The following FBXO2 variants were observed in gnomAD, a reference collection of about 807,000 sequenced individuals.
FBXO2 encodes the protein F-box protein 2.
In FBXO2, 32 loss-of-function variants were observed where a neutral mutation model predicts 38.6. The observed-to-expected ratio is 0.83, with a 90% CI of 0.62 to 1.11. The LOEUF (loss-of-function observed/expected upper bound fraction) is 1.11, where lower values mean the gene tolerates loss of function less well. FBXO2 is among the 50% of genes most tolerant of loss of function. The pLI, the probability that FBXO2 is intolerant of heterozygous loss-of-function variation, is 0.00. For synonymous variants in FBXO2, 189 were observed against 182.9 expected (o/e 1.03, Z -0.27); for missense variants, 450 against 418.3 (o/e 1.08, Z -0.66).
Position 11,650,507 on chromosome 1 carries a change from C to T in FBXO2, c.350G>A (p.Ser117Asn), listed in dbSNP as rs1639497165. The change falls in exon 2 of 6, where the codon AGC becomes AAC. Residue 117 changes from serine (S) to asparagine (N), a missense_variant. By Grantham distance (46) the Ser-to-Asn change is conservative. Transcript: ENST00000354287. ...RDHWQQFYFL[S>N]KRRRNLLRNP... ...ACGCAGAAGGTTGCGGCGCCGCTTG[C>T]TCAGGAAGTAGAACTGCTGCCAGTG... The T allele has an allele frequency of 6.2e-7, 1 of 1,607,402 alleles. No homozygotes were observed. Among genetic ancestry groups the T allele is most frequent in the Admixed American group, 1.7e-5 (1 of 59,272 alleles).
chr1:11,652,501 A>G (rs1253162784), intron 1 of FBXO2, among the ~76,000 whole-genome samples: 1 of 152,224 alleles, frequency 6.6e-6, no homozygotes, highest in Non-Finnish European at 1.5e-5. Flanking sequence ...TCTGAATTGT[A>G]AGGAGGCAGG....
At position 11,648,858 on chromosome 1, in the gene FBXO2, C is replaced by T. The variant is rs772809438; in HGVS notation, c.757-30G>A. On this transcript the variant is annotated intron_variant, in intron 5 of 5. Coordinates refer to ENST00000354287, the MANE Select transcript of FBXO2 (RefSeq NM_012168.6). The surrounding 1 kb of genome is among the most constrained non-coding windows in gnomAD (Gnocchi z 4.2). ...GGGTGGAGGTAACAAGAGTCAGCCT[C>T]GGAGGTCCTGAGGCCTCTCCTGCCG... is the stretch of plus-strand genomic sequence containing the variant. 1.4e-4 allele frequency: 218 copies of T among 1,612,230 alleles called. 1 individual carries two copies. The highest frequency in any genetic ancestry group is 1.7e-4 in the Admixed American group (10 of 59,986).
chr1:11,653,039 C>A (rs972461235), intron 1 of FBXO2, among the ~76,000 whole-genome samples: 6 of 152,208 alleles, frequency 3.9e-5, no homozygotes, highest in Non-Finnish European at 7.3e-5. Flanking sequence ...AAAGGCTTAA[C>A]AGCTTCTCCC....
intron 2 of FBXO2, 29 bp downstream of exon 2, chr1:11,650,436 AG>A: frequency 1.9e-6 from 3 of 1,598,952 alleles, no homozygotes; most frequent in Non-Finnish European, 1.7e-6. Context: ...CAGCAGGGGA[AG>A]CTGAGCTCGC....
At chr1:11,649,700 G>A in intron 4 of FBXO2, 79 bp downstream of exon 4, 1 of 1,463,904 alleles carries the variant, frequency 6.8e-7, no homozygotes, top group Non-Finnish European at 9.5e-7. Flanking sequence ...GCACCCCCAG[G>A]CGGGGGGTTC....
chr1:11,649,257 G>A (rs1639473454), intron 4 of FBXO2, 32 bp from the exon 5 acceptor site: 3 of 1,426,796 alleles, frequency 2.1e-6, no homozygotes, highest in South Asian at 2.6e-5. Context: ...GGTGGGGGGC[G>A]GGAGGTGGGG....
intron 1 of FBXO2, chr1:11,653,388 C>T (rs1639575155): frequency 6.6e-6 from 1 of 152,566 alleles, no homozygotes; most frequent in African/African-American, 2.4e-5. Flanking sequence ...CTGACTCACT[C>T]ACCTGGAGTG....
intron 1 of FBXO2, among the ~76,000 whole-genome samples, 178 bp from the exon 2 acceptor site, chr1:11,651,012 A>G (rs1639511886): frequency 6.6e-6 from 1 of 151,978 alleles, no homozygotes; most frequent in Non-Finnish European, 1.5e-5. Context: ...CCACAGACCA[A>G]CCCCGGATCA....
chr1:11,650,164 G>T, intron 2 of FBXO2, 90 bp from the exon 3 acceptor site: 2 of 1,554,220 alleles, frequency 1.3e-6, no homozygotes, highest in South Asian at 1.2e-5. Flanking sequence ...GGCAAAGGTC[G>T]CACTTGGTGT....
chr1:11,648,664 G>A lies in FBXO2; in HGVS notation c.*30C>T, dbSNP rs749699103. The A allele has an allele frequency of 6.2e-7, 1 of 1,609,928 alleles. No homozygotes were observed. Among genetic ancestry groups the A allele is most frequent in the South Asian group, 1.1e-5 (1 of 90,980 alleles). ...CTACCCTCGACCTTTGCCCCTCCAG[G>A]CAGCTGGGGGAGAGTGGAGGCAGGG... is the stretch of plus-strand genomic sequence containing the variant. On this transcript the variant is annotated 3_prime_UTR_variant, in exon 6 of 6. Coordinates refer to ENST00000354287, the MANE Select transcript of FBXO2 (RefSeq NM_012168.6). The surrounding 1 kb of genome is among the most constrained non-coding windows in gnomAD (Gnocchi z 4.2).
intron 4 of FBXO2, chr1:11,649,443 C>T (rs926872621): frequency 6.6e-6 from 4 of 603,228 alleles, no homozygotes; most frequent in Admixed American, 3.0e-5. Flanking sequence ...ACGAGGACTA[C>T]ATTCCAAGTT....
At chr1:11,650,443 C>A (rs763853166) in intron 2 of FBXO2, 23 bp downstream of exon 2, 7 of 1,600,824 alleles carry the variant, frequency 4.4e-6, no homozygotes, top group Middle Eastern at 1.7e-4. Context: ...GGAAGCTGAG[C>A]TCGCCCAGCG....
At chr1:11,651,128 G>A (rs12091641) in intron 1 of FBXO2, among the ~76,000 whole-genome samples, 14,535 of 152,124 alleles carry the variant, frequency 0.096, 1,844 homozygotes, top group African/African-American at 0.29. Context: ...ATTATTAATG[G>A]CATCCATCTA....
Position 11,654,360 on chromosome 1 carries a change from G to C in FBXO2, c.-20C>G. 1 of 1,416,886 alleles carries C rather than the reference G, an allele frequency of 7.1e-7. No individual in the cohort carries two copies. Among genetic ancestry groups the C allele is most frequent in the Non-Finnish European group, 9.2e-7 (1 of 1,089,672 alleles). 87.8% of individuals were successfully genotyped at this position (1,416,886 alleles called of 1,614,324 possible). A position where few individuals can be genotyped will look rare whatever the true frequency, so the allele number is the denominator to read the frequency against. ...GTCCATCGCTGCGGAGGGCGGTCGC[G>C]AGAGGAGGAGCCGGAGCGCTGCGGG... On this transcript the variant is annotated 5_prime_UTR_variant, in exon 1 of 6. Coordinates refer to ENST00000354287, the MANE Select transcript of FBXO2 (RefSeq NM_012168.6).
intron 1 of FBXO2, 49 bp downstream of exon 1, chr1:11,654,270 G>A (rs1639615124): frequency 2.0e-6 from 3 of 1,485,650 alleles, no homozygotes; most frequent in East Asian, 5.9e-5. Flanking sequence ...CTCGCCCGCC[G>A]ACCCCATCTC....
chr1:11,650,216 A>G, intron 2 of FBXO2, 142 bp from the exon 3 acceptor site: 1 of 1,379,730 alleles, frequency 7.2e-7, no homozygotes, highest in Non-Finnish European at 9.8e-7. Flanking sequence ...ACCAGTGGGC[A>G]GTTTCTAAAT....
intron 1 of FBXO2, among the ~76,000 whole-genome samples, chr1:11,652,442 T>A (rs1557654563): frequency 6.6e-6 from 1 of 152,162 alleles, no homozygotes; most frequent in East Asian, 1.9e-4. Flanking sequence ...TGCCAGGCCA[T>A]ACAAACAGGA....
At chr1:11,650,329 A>C in intron 2 of FBXO2, 137 bp downstream of exon 2, 1 of 1,437,616 alleles carries the variant, frequency 7.0e-7, no homozygotes, top group Non-Finnish European at 9.2e-7. Context: ...GAGCTACAGT[A>C]ATAGACAGCC....
At position 11,648,942 on chromosome 1, in the gene FBXO2, C is replaced by T; in HGVS notation, c.757-114G>A. 1 of 1,517,346 alleles carries T rather than the reference C, an allele frequency of 6.6e-7. No homozygotes were observed. Among genetic ancestry groups the T allele is most frequent in the Non-Finnish European group, 9.0e-7 (1 of 1,116,170 alleles). 94.0% of individuals were successfully genotyped at this position (1,517,346 alleles called of 1,614,324 possible). ...CCCCACTCGGTTTCTCCGCGGTATT[C>T]AGAACTCTCTCCACCACCCGGTGAC... On this transcript the variant is annotated intron_variant, in intron 5 of 5. Coordinates refer to ENST00000354287, the MANE Select transcript of FBXO2 (RefSeq NM_012168.6). The surrounding 1 kb of genome is among the most constrained non-coding windows in gnomAD (Gnocchi z 4.2).
Sources: gnomAD v4.1 joint callset for allele counts (sites outside exome capture counted in the v4.1 genomes callset) on GRCh38, gnomAD v4.1.1 for gene constraint, Gnocchi (gnomAD v3.1) non-coding constraint, MANE v1.5 for transcripts, NCBI Gene and HGNC (gene_info 2026-07-23, HGNC 2026-07-21) for gene names.